The following OR51B5 variants were observed in gnomAD, a reference collection of about 807,000 sequenced individuals.
The protein encoded by OR51B5 is olfactory receptor 51B5.
For synonymous variants in OR51B5, 186 were observed against 144.8 expected, an observed-to-expected ratio of 1.28 and a Z score of -2.04; for missense variants, 456 against 374.6, an observed-to-expected ratio of 1.22 and a Z score of -1.79.
intron 1 of OR51B5, among the ~76,000 whole-genome samples, chr11:5,484,351 T>C (rs1851470136): frequency 6.6e-6 from 1 of 152,182 alleles, no homozygotes; most frequent in Non-Finnish European, 1.5e-5. Context: ...CCTCAATCTT[T>C]CTGGTCCACA....
At chr11:5,398,585 C>T (rs894714908) in intron 1 of OR51B5, among the ~76,000 whole-genome samples, 1 of 152,172 alleles carries the variant, frequency 6.6e-6, no homozygotes. Context: ...TATGGCTTGG[C>T]TCTGTGTCTC....
Position 5,405,463 on chromosome 11 carries a change from A to G in OR51B5, n.85-58553T>C, listed in dbSNP as rs541533546. On this transcript the variant is annotated intron_variant and non_coding_transcript_variant, in intron 1 of 4. Transcript: ENST00000415970. ...TACTCAATGAGTCAGGTATACTTCT[A>G]GACCCTAGAGATAAAGCAGTGACAA... Among the ~76,000 whole-genome samples the G allele has an allele frequency of 4.5e-4, 68 of 152,308 alleles. No homozygotes were observed. The South Asian group carries it at 0.011, about 24-fold the overall frequency.
chr11:5,448,688 GACA>G (rs1204532252), intron 1 of OR51B5, among the ~76,000 whole-genome samples: 1 of 152,212 alleles, frequency 6.6e-6, no homozygotes. Flanking sequence ...CAGTTAACAT[GACA>G]ACAACTAACT....
chr11:5,434,529 G>A (rs1850568512), intron 1 of OR51B5, among the ~76,000 whole-genome samples: 1 of 152,104 alleles, frequency 6.6e-6, no homozygotes, highest in Non-Finnish European at 1.5e-5. Context: ...TTTTGAATCT[G>A]TCTAATTATC....
chr11:5,389,145 T>C (rs1164068719), intron 1 of OR51B5, among the ~76,000 whole-genome samples: 1 of 152,014 alleles, frequency 6.6e-6, no homozygotes, highest in Admixed American at 6.6e-5. Flanking sequence ...TACTTAAGGG[T>C]TGAGCAATAA....
chr11:5,448,022 G>C (rs1210525115), intron 1 of OR51B5, among the ~76,000 whole-genome samples: 2 of 152,118 alleles, frequency 1.3e-5, no homozygotes, highest in Admixed American at 6.5e-5. Flanking sequence ...CAGCACTCCT[G>C]TTTCAAATTT....
chr11:5,397,111 A>G (rs1294563119), intron 1 of OR51B5, among the ~76,000 whole-genome samples: 5 of 152,296 alleles, frequency 3.3e-5, no homozygotes, highest in African/African-American at 1.2e-4. Context: ...CTAGAAGAAA[A>G]CCTAAGCAAT....
At chr11:5,387,525 G>A (rs10742661) in intron 1 of OR51B5, among the ~76,000 whole-genome samples, 118,829 of 152,112 alleles carry the variant, frequency 0.78, 46,825 homozygotes, top group Middle Eastern at 0.84. Flanking sequence ...TCAACTCGAA[G>A]CTCACAAGTA....
chr11:5,453,926 AG>A (rs777460852), intron 1 of OR51B5: 25 of 1,614,034 alleles, frequency 1.5e-5, no homozygotes, highest in Non-Finnish European at 2.1e-5. Flanking sequence ...CAATGGGTTT[AG>A]GTGCAGCTGC....
rs1850887320 is a variant in OR51B5 at position 5,453,400 on chromosome 11, C to A, written n.84+52169G>T. Reference sequence around the variant, plus strand: ...ACATCATCGCTTTGTCTCTTATCTCCTGATTTCTTGTCCTCCAGCAAGTGC... The same window carrying A: ...ACATCATCGCTTTGTCTCTTATCTCATGATTTCTTGTCCTCCAGCAAGTGC... On this transcript the variant is annotated intron_variant and non_coding_transcript_variant, in intron 1 of 4. Transcript: ENST00000415970. 3 of 923,622 alleles carry A rather than the reference C, an allele frequency of 3.2e-6. No homozygotes were observed. In the South Asian group the frequency reaches 6.1e-5, roughly 19 times the overall value. 57.2% of individuals were successfully genotyped at this position (923,622 alleles called of 1,614,324 possible). A position where few individuals can be genotyped will look rare whatever the true frequency, so the allele number is the denominator to read the frequency against.
intron 1 of OR51B5, chr11:5,422,460 T>C (rs1178590341): frequency 1.2e-6 from 2 of 1,614,092 alleles, no homozygotes; most frequent in African/African-American, 1.3e-5. Context: ...ATGCAGCTTC[T>C]CTGGTTCAAC....
At chr11:5,446,986 T>C (rs181644906) in intron 1 of OR51B5, among the ~76,000 whole-genome samples, 242 of 152,318 alleles carry the variant, frequency 1.6e-3, no homozygotes, top group African/African-American at 5.3e-3. Flanking sequence ...GATCATTTTG[T>C]ACAACAGAAT....
chr11:5,465,775 A>T (rs1381937077), intron 1 of OR51B5, among the ~76,000 whole-genome samples: 3 of 145,996 alleles, frequency 2.1e-5, no homozygotes, highest in Non-Finnish European at 4.5e-5. Flanking sequence ...CTGAAACTGG[A>T]TCCCTTCCTT....
At chr11:5,355,997 C>A (rs991645978) in intron 1 of OR51B5, among the ~76,000 whole-genome samples, 1 of 148,250 alleles carries the variant, frequency 6.7e-6, no homozygotes, top group African/African-American at 2.5e-5. Context: ...CATCAAAGAC[C>A]AAAGGTAGAT....
intron 1 of OR51B5, among the ~76,000 whole-genome samples, chr11:5,373,840 G>C (rs1482656085): frequency 6.6e-6 from 1 of 152,190 alleles, no homozygotes; most frequent in Non-Finnish European, 1.5e-5. Flanking sequence ...CTCAAACTGG[G>C]TGGACCCCAC....
downstream of OR51B5, among the ~76,000 whole-genome samples, chr11:5,341,834 C>G (rs1476888208): frequency 6.6e-6 from 1 of 152,120 alleles, no homozygotes; most frequent in Non-Finnish European, 1.5e-5. Context: ...GAGCTAGCAA[C>G]TAGGGTAGTA....
intron 1 of OR51B5, chr11:5,403,586 G>C (rs954771163): frequency 2.7e-5 from 12 of 450,142 alleles, no homozygotes; most frequent in Admixed American, 4.8e-5. Flanking sequence ...TTGTTTGTTT[G>C]CTTGCTCTCT....
intron 1 of OR51B5, among the ~76,000 whole-genome samples, chr11:5,486,417 G>C (rs1334387659): frequency 9.9e-5 from 15 of 151,980 alleles, no homozygotes; most frequent in Non-Finnish European, 2.2e-4. Flanking sequence ...CATGGTATGT[G>C]CCGCTAAATA....
intron 1 of OR51B5, among the ~76,000 whole-genome samples, chr11:5,500,620 A>G (rs1030284058): frequency 1.4e-5 from 2 of 148,120 alleles, no homozygotes; most frequent in African/African-American, 4.9e-5. Context: ...ACATCTTTCC[A>G]GTAATAGTCC....
Sources: gnomAD v4.1 joint callset for allele counts (sites outside exome capture counted in the v4.1 genomes callset) on GRCh38, gnomAD v4.1.1 for gene constraint, MANE v1.5 for transcripts, NCBI Gene and HGNC (gene_info 2026-07-23, HGNC 2026-07-21) for gene names.